ALDH9A1: variants seen among roughly 807,000 people sequenced by gnomAD.
ALDH9A1 encodes 4-trimethylaminobutyraldehyde dehydrogenase.
Under a neutral mutation model 56.6 loss-of-function variants are expected in ALDH9A1, and 42 were observed. That is an observed-to-expected ratio of 0.74 (90% CI 0.58 to 0.96). The LOEUF (loss-of-function observed/expected upper bound fraction) is 0.96, where lower values mean the gene tolerates loss of function less well. Among genes scored for constraint, ALDH9A1 ranks in the 40% least tolerant of loss-of-function variants. The pLI, the probability that ALDH9A1 is intolerant of heterozygous loss-of-function variation, is 0.00. For missense variants in ALDH9A1, 661 were observed against 651.5 expected, an observed-to-expected ratio of 1.01 and a Z score of -0.16; for synonymous variants, 242 against 236.0, an observed-to-expected ratio of 1.03 and a Z score of -0.23.
In ALDH9A1 at chr1:165,669,011, AC is replaced by A; in HGVS notation, c.1121del (p.Gly374ValfsTer18). ...LGFVKVAKEQ[G>X]AKVLCGGDIY... ...TATCTCCACCACATAACACTTTAGC[AC>A]CCTGCCGAAAAGGAAAAAAGATATG... is the stretch of plus-strand genomic sequence containing the variant. On this transcript the variant is annotated frameshift_variant and splice_region_variant, in exon 8 of 11. Coordinates refer to ENST00000354775, the MANE Select transcript of ALDH9A1 (RefSeq NM_000696.4). LOFTEE classifies it high-confidence loss of function. 9 of 1,590,976 alleles carry A rather than the reference AC, an allele frequency of 5.7e-6. No individual in the cohort carries two copies. Among genetic ancestry groups the A allele is most frequent in the Non-Finnish European group, 6.8e-6 (8 of 1,172,422 alleles).
chr1:165,677,198 C>A (rs1436086710), intron 6 of ALDH9A1, among the ~76,000 whole-genome samples: 1 of 151,778 alleles, frequency 6.6e-6, no homozygotes, highest in Non-Finnish European at 1.5e-5. Context: ...CACAGTGAAA[C>A]CCCGTCTCTA....
intron 8 of ALDH9A1, among the ~76,000 whole-genome samples, chr1:165,668,468 CAGG>C (rs991925870): frequency 6.6e-6 from 1 of 152,136 alleles, no homozygotes; most frequent in African/African-American, 2.4e-5. Flanking sequence ...GAGGCCTCAA[CAGG>C]AGGAGATGAT....
At chr1:165,697,308 A>C (rs1352359992) in intron 1 of ALDH9A1, among the ~76,000 whole-genome samples, 2 of 152,240 alleles carry the variant, frequency 1.3e-5, no homozygotes, top group Non-Finnish European at 2.9e-5. Flanking sequence ...CATATACTTG[A>C]AATTTGCTAA....
intron 2 of ALDH9A1, among the ~76,000 whole-genome samples, chr1:165,690,731 GT>G (rs992211378): frequency 1.1e-3 from 169 of 152,320 alleles, no homozygotes; most frequent in African/African-American, 3.9e-3. Flanking sequence ...GGCTCGGCGG[GT>G]CCCCCACCCA....
intron 2 of ALDH9A1, among the ~76,000 whole-genome samples, chr1:165,689,338 T>C (rs1462074191): frequency 6.6e-6 from 1 of 152,190 alleles, no homozygotes; most frequent in Non-Finnish European, 1.5e-5. Flanking sequence ...TAAAGAAATC[T>C]GGAGAAATTT....
At chr1:165,665,805 T>C (rs1419446776) in intron 9 of ALDH9A1, among the ~76,000 whole-genome samples, 2 of 152,162 alleles carry the variant, frequency 1.3e-5, no homozygotes, top group African/African-American at 4.8e-5. Context: ...CATACGTTGT[T>C]CGGAGGAATG....
At chr1:165,695,442 A>AT (rs772958959) in intron 1 of ALDH9A1, 45 bp from the exon 2 acceptor site, 1 of 1,487,632 alleles carries the variant, frequency 6.7e-7, no homozygotes, top group Non-Finnish European at 8.9e-7. Flanking sequence ...TTGTTGCCAC[A>AT]TATTTAAATA....
At chr1:165,685,714 G>A (rs1000623858) in intron 2 of ALDH9A1, among the ~76,000 whole-genome samples, 8 of 152,142 alleles carry the variant, frequency 5.3e-5, no homozygotes, top group Non-Finnish European at 1.2e-4. Context: ...GAGAAACAGG[G>A]CCTGAGGGCC....
intron 6 of ALDH9A1, chr1:165,671,778 C>T: frequency 4.3e-6 from 1 of 230,072 alleles, no homozygotes; most frequent in South Asian, 5.1e-5. Context: ...AACTAACAAA[C>T]AAAAAAAAAA....
At chr1:165,681,039 T>C (rs1329068425) in intron 4 of ALDH9A1, among the ~76,000 whole-genome samples, 4 of 152,158 alleles carry the variant, frequency 2.6e-5, no homozygotes, top group Non-Finnish European at 5.9e-5. Context: ...TGAGACTTAT[T>C]CACTATCAGG....
chr1:165,698,514 G>C lies in ALDH9A1; in HGVS notation c.45C>G (p.Arg15=). ...CGGCGACAGGAGAGGGCCGAAGACT[G>C]CGAAGAAGCGGGGAGAGCGCGGCCA... ...AGLAALSPLL[R]SLRPSPVAAM... is the part of the protein sequence containing the mutation. The change falls in exon 1 of 11, where the codon CGC becomes CGG. Residue 15 remains arginine, a synonymous_variant. Coordinates refer to ENST00000354775, the MANE Select transcript of ALDH9A1 (RefSeq NM_000696.4). 1 of 1,610,780 alleles carries C rather than the reference G, an allele frequency of 6.2e-7. No individual in the cohort carries two copies. The highest frequency in any genetic ancestry group is 8.5e-7 in the Non-Finnish European group (1 of 1,178,952).
At chr1:165,690,279 C>T (rs964797725) in intron 2 of ALDH9A1, among the ~76,000 whole-genome samples, 2 of 151,498 alleles carry the variant, frequency 1.3e-5, no homozygotes, top group Non-Finnish European at 2.9e-5. Context: ...CTCTCAGACC[C>T]GTCACAGTTT....
chr1:165,667,469 A>T lies in ALDH9A1; in HGVS notation c.1208-19T>A. On this transcript the variant is annotated intron_variant, in intron 8 of 10. Coordinates refer to ENST00000354775, the MANE Select transcript of ALDH9A1 (RefSeq NM_000696.4). ...CAATTAGCTGCAAACATTAAAATAA[A>T]ACCTCCTGAGCAGCTGGGACCACAG... 6.2e-7 allele frequency: 1 copy of T among 1,612,598 alleles called. No homozygotes were observed. The highest frequency in any genetic ancestry group is 8.5e-7 in the Non-Finnish European group (1 of 1,179,668).
At chr1:165,663,894 T>C (rs958200992) in intron 10 of ALDH9A1, among the ~76,000 whole-genome samples, 1 of 152,244 alleles carries the variant, frequency 6.6e-6, no homozygotes, top group Non-Finnish European at 1.5e-5. Context: ...GGCCAGGTGT[T>C]GCTCTGCACG....
At chr1:165,695,164 T>A (rs1650031171) in intron 2 of ALDH9A1, 88 bp downstream of exon 2, 1 of 1,407,058 alleles carries the variant, frequency 7.1e-7, no homozygotes, top group African/African-American at 1.5e-5. Context: ...CGTTACGGCC[T>A]AATGTTGCAA....
At chr1:165,682,070 C>G in intron 4 of ALDH9A1, 37 bp downstream of exon 4, 1 of 1,610,118 alleles carries the variant, frequency 6.2e-7, no homozygotes, top group Non-Finnish European at 8.5e-7. Context: ...AGAGAATGAA[C>G]GAATGGCTCT....
rs1649101793 is a variant in ALDH9A1, at chr1:165,669,290, A to C, written c.1091T>G (p.Leu364Arg). Residue 364 changes from leucine (L) to arginine (R), a missense_variant, in exon 7 of 11, where the codon CTT (leucine) becomes CGT (arginine). Leu to Arg is a moderately radical substitution (Grantham distance 102). Transcript: ENST00000354775. ...LINRPHLERV[L>R]GFVKVAKEQG... ...CTCCTTTGCCACTTTGACAAACCCA[A>C]GGACTCGCTCCAGGTGTGGTCGGTT... 6.2e-7 allele frequency: 1 copy of C among 1,608,874 alleles called. No homozygotes were observed. Among genetic ancestry groups the C allele is most frequent in the Non-Finnish European group, 8.5e-7 (1 of 1,178,514 alleles).
chr1:165,667,547 C>T, intron 8 of ALDH9A1, 97 bp from the exon 9 acceptor site: 1 of 1,377,840 alleles, frequency 7.3e-7, no homozygotes, highest in Non-Finnish European at 9.9e-7. Flanking sequence ...CACTATGTTG[C>T]CCAGTCTGGT....
At chr1:165,678,895 G>T (rs546866434) in intron 6 of ALDH9A1, among the ~76,000 whole-genome samples, 1 of 152,224 alleles carries the variant, frequency 6.6e-6, no homozygotes, top group East Asian at 1.9e-4. Flanking sequence ...AATAACTGAA[G>T]AACTGTTCTC....
Sources: gnomAD v4.1 joint callset for allele counts (sites outside exome capture counted in the v4.1 genomes callset) on GRCh38, gnomAD v4.1.1 for gene constraint, MANE v1.5 for transcripts, NCBI Gene and HGNC (gene_info 2026-07-23, HGNC 2026-07-21) for gene names.